SPAM1: variants seen among roughly 807,000 people sequenced by gnomAD.
SPAM1 encodes sperm adhesion molecule 1.
In SPAM1, 22 loss-of-function variants were observed where a neutral mutation model predicts 29.6. The observed-to-expected ratio is 0.74, with a 90% CI of 0.53 to 1.06. SPAM1 has a LOEUF of 1.06. Ranked by LOEUF, SPAM1 falls within the 50% of genes least tolerant of loss-of-function variation. The pLI is 0.00. For missense variants in SPAM1, 534 were observed against 604.0 expected, an observed-to-expected ratio of 0.88 and a Z score of 1.21; for synonymous variants, 194 against 204.6, an observed-to-expected ratio of 0.95 and a Z score of 0.44.
chr7:123,960,926 T>C (rs1792349797), downstream of SPAM1, among the ~76,000 whole-genome samples: 1 of 151,962 alleles, frequency 6.6e-6, no homozygotes, highest in South Asian at 2.1e-4. Context: ...ATTATGCATT[T>C]TTTAAAAATT....
At position 123,954,536 on chromosome 7, in the gene SPAM1, AG is replaced by A. The variant is rs769274268; in HGVS notation, c.954+15del. ...AATTCCTTTCTCAAGTAAGTAAATC[AG>A]GGTATGAGGGCTAGGAAATGAAATT... On this transcript the variant is annotated intron_variant, in intron 3 of 4. Transcript: ENST00000682466. 5.4e-6 allele frequency: 8 copies of A among 1,487,724 alleles called. No individual in the cohort carries two copies. In the Admixed American group the frequency reaches 1.5e-4, roughly 28 times the overall value. The allele number at this position is 1,487,724 out of a possible 1,614,324, so 92.2% of individuals were successfully genotyped here.
intron 1 of SPAM1, among the ~76,000 whole-genome samples, chr7:123,942,874 T>C (rs1470231820): frequency 6.6e-6 from 1 of 152,176 alleles, no homozygotes; most frequent in Non-Finnish European, 1.5e-5. Flanking sequence ...AAAACCTTGG[T>C]AAAATAACTA....
At chr7:123,954,653 T>C (rs1792207145) in intron 3 of SPAM1, 129 bp downstream of exon 3, 1 of 639,832 alleles carries the variant, frequency 1.6e-6, no homozygotes. Context: ...CACAAGTAGA[T>C]CAACATTATT....
chr7:123,958,430 A>G (rs867109882), intron 4 of SPAM1, among the ~76,000 whole-genome samples: 3 of 152,080 alleles, frequency 2.0e-5, no homozygotes, highest in African/African-American at 7.2e-5. Flanking sequence ...TTATTTACCC[A>G]TAACTTGACT....
chr7:123,967,496 T>G (rs1488078395), intron 5 of SPAM1, among the ~76,000 whole-genome samples: 1 of 152,072 alleles, frequency 6.6e-6, no homozygotes, highest in African/African-American at 2.4e-5. Context: ...AGATATTCCC[T>G]GTGATTGTTT....
At position 123,930,779 on chromosome 7, in the gene SPAM1, CG is replaced by C. The variant is rs376214017; in HGVS notation, c.-319+5430del. Among the ~76,000 whole-genome samples the C allele has an allele frequency of 6.3e-4, 96 of 152,206 alleles. No individual in the cohort carries two copies. The East Asian group carries it at 0.014, about 22-fold the overall frequency. The stretch of plus-strand genomic sequence containing the variant: ...GATGGTCTGGTCGTGGAGAACTGGA[CG>C]GGAGAACTGCTCCCATTTGTAAAAA... On this transcript the variant is annotated intron_variant, in intron 1 of 4. Coordinates refer to ENST00000682466, the MANE Select transcript of SPAM1 (RefSeq NM_153189.3).
chr7:123,928,167 T>A (rs1807954695), intron 1 of SPAM1, among the ~76,000 whole-genome samples: 1 of 152,182 alleles, frequency 6.6e-6, no homozygotes, highest in Non-Finnish European at 1.5e-5. Flanking sequence ...TTCAATTCCT[T>A]ATTTTTCATC....
rs750164356 is a variant in SPAM1 at position 123,953,739 on chromosome 7, A to C, written c.169A>C (p.Ser57Arg). 3.7e-6 allele frequency: 6 copies of C among 1,613,140 alleles called. No homozygotes were observed. Among genetic ancestry groups the C allele is most frequent in the Non-Finnish European group, 4.2e-6 (5 of 1,179,654 alleles). ...VPFLWAWNAP[S>R]EFCLGKFDEP... is the part of the protein sequence containing the mutation. ...TTTCCTCTGGGCCTGGAATGCCCCA[A>C]GTGAATTTTGTCTTGGAAAATTTGA... The change falls in exon 3 of 5, where the codon AGT (serine) becomes CGT (arginine). Residue 57 changes from serine (S) to arginine (R), a missense_variant. By Grantham distance (110) the Ser-to-Arg change is moderately radical. Transcript: ENST00000682466.
intron 1 of SPAM1, among the ~76,000 whole-genome samples, chr7:123,949,660 C>A (rs961391500): frequency 1.3e-5 from 2 of 152,018 alleles, no homozygotes; most frequent in Admixed American, 1.3e-4. Flanking sequence ...ATGTGAATAT[C>A]TACACGTAGC....
At chr7:123,945,399 A>G (rs1213074884) in intron 1 of SPAM1, among the ~76,000 whole-genome samples, 1 of 152,136 alleles carries the variant, frequency 6.6e-6, no homozygotes, top group East Asian at 1.9e-4. Flanking sequence ...AAAAAAAGTG[A>G]AGAACACTTC....
chr7:123,940,004 G>C (rs1408332440), intron 1 of SPAM1, among the ~76,000 whole-genome samples: 1 of 151,982 alleles, frequency 6.6e-6, no homozygotes, highest in African/African-American at 2.4e-5. Context: ...TTTTGGAATT[G>C]AGCCCAGTAT....
rs745550606 is a variant in SPAM1 at position 123,953,834 on chromosome 7, T to TAC, written c.266_267dup (p.Ile90GlnfsTer14). ...GAATAAACGCCACCGGGCAAGGTGT[T>TAC]ACAATATTTTATGTTGATAGACTTG... On this transcript the variant is annotated frameshift_variant, in exon 3 of 5. Transcript: ENST00000682466. LOFTEE classifies it high-confidence loss of function. The TAC allele has an allele frequency of 1.2e-6, 2 of 1,613,610 alleles. No individual in the cohort carries two copies. The highest frequency in any genetic ancestry group is 1.7e-6 in the Non-Finnish European group (2 of 1,179,760).
Position 123,931,924 on chromosome 7 carries a change from A to G in SPAM1, c.-319+6572A>G, listed in dbSNP as rs571460637. Among the ~76,000 whole-genome samples the G allele has an allele frequency of 9.5e-4, 145 of 152,338 alleles. 5 individuals carry two copies. In the South Asian group the frequency reaches 0.027, roughly 29 times the overall value. ...CAAAGTTTGTCCAAACTCCAGCCCA[A>G]TGAGGACAGTAAACCCATCAGTCTA... On this transcript the variant is annotated intron_variant, in intron 1 of 4. Transcript: ENST00000682466.
downstream of SPAM1, among the ~76,000 whole-genome samples, chr7:123,961,771 G>T (rs1395430253): frequency 1.3e-5 from 2 of 152,010 alleles, no homozygotes; most frequent in African/African-American, 2.4e-5. Flanking sequence ...TAAAGGAAAA[G>T]AAGTTTAATG....
intron 1 of SPAM1, among the ~76,000 whole-genome samples, chr7:123,947,273 G>T (rs1381774967): frequency 6.6e-6 from 1 of 152,058 alleles, no homozygotes; most frequent in Admixed American, 6.6e-5. Context: ...AATAAGTCCA[G>T]GTGCATGGCT....
intron 5 of SPAM1, among the ~76,000 whole-genome samples, chr7:123,969,166 T>A (rs1792466006): frequency 6.6e-6 from 1 of 152,062 alleles, no homozygotes; most frequent in South Asian, 2.1e-4. Context: ...TTGTTTGAGT[T>A]CCTTATATAT....
At chr7:123,966,987 T>C (rs1337726155) in intron 5 of SPAM1, among the ~76,000 whole-genome samples, 15 of 152,008 alleles carry the variant, frequency 9.9e-5, no homozygotes, top group Non-Finnish European at 1.5e-5. Context: ...GTCTGTTAAT[T>C]ATTTATATAC....
intron 4 of SPAM1, among the ~76,000 whole-genome samples, chr7:123,958,617 C>T (rs1056121257): frequency 4.6e-5 from 7 of 151,822 alleles, no homozygotes; most frequent in African/African-American, 9.7e-5. Flanking sequence ...TGCTTGAGCC[C>T]AAGAGTTCAA....
chr7:123,968,629 G>A (rs1249478823), intron 5 of SPAM1, among the ~76,000 whole-genome samples: 1 of 151,840 alleles, frequency 6.6e-6, no homozygotes, highest in Admixed American at 6.6e-5. Context: ...TTATTTCAAA[G>A]CTCAAGAAAA....
Sources: gnomAD v4.1 joint callset for allele counts (sites outside exome capture counted in the v4.1 genomes callset) on GRCh38, gnomAD v4.1.1 for gene constraint, MANE v1.5 for transcripts, NCBI Gene and HGNC (gene_info 2026-07-23, HGNC 2026-07-21) for gene names.